C2orf80: variants seen among roughly 807,000 people sequenced by gnomAD.
C2orf80 encodes the protein uncharacterized protein C2orf80.
Under a neutral mutation model 30.2 loss-of-function variants are expected in C2orf80, and 28 were observed. The ratio of observed to expected loss-of-function variants is 0.93; its 90% CI spans 0.69 to 1.27. The LOEUF (loss-of-function observed/expected upper bound fraction) is 1.27, where lower values mean the gene tolerates loss of function less well. Among genes scored for constraint, C2orf80 ranks in the 50% most tolerant of loss-of-function variants. C2orf80 has a pLI of 0.00. For synonymous variants in C2orf80, 80 were observed against 76.4 expected (o/e 1.05, Z -0.24); for missense variants, 220 against 231.0 (o/e 0.95, Z 0.31).
intron 6 of C2orf80, among the ~76,000 whole-genome samples, chr2:208,180,449 C>CAA (rs59005854): frequency 5.4e-5 from 7 of 129,204 alleles, no homozygotes; most frequent in African/African-American, 1.6e-4. Context: ...GACTCTGTCT[C>CAA]AAAAAAAAAA....
chr2:208,189,300 C>T (rs563079637), intron 1 of C2orf80, among the ~76,000 whole-genome samples: 1 of 152,234 alleles, frequency 6.6e-6, no homozygotes, highest in African/African-American at 2.4e-5. Context: ...GTTATGACAG[C>T]TTCGTCTTAG....
At chr2:208,172,570 A>G (rs1403124091) in intron 6 of C2orf80, among the ~76,000 whole-genome samples, 2 of 152,236 alleles carry the variant, frequency 1.3e-5, no homozygotes, top group Admixed American at 6.5e-5. Flanking sequence ...ATAGTTGTCC[A>G]TTGGTAATCA....
Position 208,174,424 on chromosome 2 carries a change from A to G in C2orf80, c.367-2349T>C, listed in dbSNP as rs138595544. On this transcript the variant is annotated intron_variant, in intron 6 of 8. Coordinates refer to ENST00000341287, the MANE Select transcript of C2orf80 (RefSeq NM_001099334.3). ...GTGTGAGAGGGTGGAAGCCAGGCCT[A>G]TCACGAAGGGACCAGGTTGCTATCA... Among the ~76,000 whole-genome samples, 15 of 152,294 alleles carry G rather than the reference A, an allele frequency of 9.8e-5. No individual in the cohort carries two copies. The East Asian group carries it at 2.5e-3, about 25-fold the overall frequency.
At chr2:208,178,764 A>G (rs1242608946) in intron 6 of C2orf80, among the ~76,000 whole-genome samples, 1 of 151,728 alleles carries the variant, frequency 6.6e-6, no homozygotes, top group African/African-American at 2.4e-5. Context: ...TTTTTTTTTA[A>G]TTGTTTTTTG....
intron 5 of C2orf80, 22 bp from the exon 6 acceptor site, chr2:208,180,838 A>G: frequency 6.3e-7 from 1 of 1,597,068 alleles, no homozygotes; most frequent in Non-Finnish European, 8.6e-7. Flanking sequence ...CAACAGCAAT[A>G]ACAAAGTATG....
At chr2:208,181,619 C>T (rs1373881697) in intron 4 of C2orf80, among the ~76,000 whole-genome samples, 2 of 152,120 alleles carry the variant, frequency 1.3e-5, no homozygotes, top group East Asian at 3.9e-4. Context: ...TGACAATTTG[C>T]TTTGGGGGAA....
rs574292522 is a variant in C2orf80 at position 208,165,751 on chromosome 2, T to G, written c.*56A>C. The G allele has an allele frequency of 6.8e-6, 11 of 1,611,476 alleles. No individual in the cohort carries two copies. In the African/African-American group the frequency reaches 1.2e-4, roughly 18 times the overall value. On this transcript the variant is annotated 3_prime_UTR_variant, in exon 9 of 9. Coordinates refer to ENST00000341287, the MANE Select transcript of C2orf80 (RefSeq NM_001099334.3). ...AAGAGCTGTGGTTTTAAGATGATGC[T>G]TCTCGTCTGCTCCCAGAGAATCTAT...
At chr2:208,167,246 G>A (rs1025312823) in intron 8 of C2orf80, among the ~76,000 whole-genome samples, 6 of 151,924 alleles carry the variant, frequency 3.9e-5, no homozygotes, top group South Asian at 2.1e-4. Flanking sequence ...TTTCCTAGCC[G>A]GGCGCGGTGG....
chr2:208,173,289 A>G (rs913068232), intron 6 of C2orf80, among the ~76,000 whole-genome samples: 2 of 152,136 alleles, frequency 1.3e-5, no homozygotes, highest in African/African-American at 4.8e-5. Flanking sequence ...GTTGAATGAA[A>G]AAAGAAAGAC....
At chr2:208,186,085 CT>C (rs918998609) in intron 2 of C2orf80, among the ~76,000 whole-genome samples, 9 of 151,848 alleles carry the variant, frequency 5.9e-5, no homozygotes, top group African/African-American at 2.2e-4. Context: ...AATATAATCT[CT>C]GCTTAAAAGC....
chr2:208,187,231 GT>G (rs1183867291), intron 1 of C2orf80, among the ~76,000 whole-genome samples, 170 bp from the exon 2 acceptor site: 1 of 152,134 alleles, frequency 6.6e-6, no homozygotes, highest in Non-Finnish European at 1.5e-5. Context: ...GTACTTTTGT[GT>G]TTATTTGACA....
intron 8 of C2orf80, among the ~76,000 whole-genome samples, chr2:208,170,096 AC>A (rs755363422): frequency 6.6e-6 from 1 of 152,174 alleles, no homozygotes; most frequent in Non-Finnish European, 1.5e-5. Flanking sequence ...CCTGATGCAA[AC>A]CCAATCATAA....
intron 8 of C2orf80, chr2:208,168,431 TG>T: frequency 3.9e-6 from 1 of 254,322 alleles, no homozygotes; most frequent in Non-Finnish European, 7.7e-6. Context: ...CCCAGCGCTT[TG>T]GGAGGCCAAG....
At chr2:208,167,337 C>T (rs1695928048) in intron 8 of C2orf80, among the ~76,000 whole-genome samples, 1 of 151,838 alleles carries the variant, frequency 6.6e-6, no homozygotes, top group Non-Finnish European at 1.5e-5. Flanking sequence ...GGCTGACCAA[C>T]ATGGTGAAAC....
chr2:208,167,543 AAC>A (rs1292143368), intron 8 of C2orf80, among the ~76,000 whole-genome samples: 1 of 140,622 alleles, frequency 7.1e-6, no homozygotes, highest in African/African-American at 2.6e-5. Context: ...AAAACAAACA[AAC>A]AAAAAACTGT....
At chr2:208,187,109 C>A in intron 1 of C2orf80, 48 bp from the exon 2 acceptor site, 1 of 852,760 alleles carries the variant, frequency 1.2e-6, no homozygotes, top group Non-Finnish European at 1.9e-6. Context: ...GCTATCACTC[C>A]AAATACCAGT....
intron 6 of C2orf80, among the ~76,000 whole-genome samples, chr2:208,173,241 C>G (rs549227162): frequency 1.3e-5 from 2 of 151,472 alleles, no homozygotes; most frequent in South Asian, 4.2e-4. Flanking sequence ...GCTATGTTAG[C>G]TATGTGCAGC....
intron 2 of C2orf80, 23 bp from the exon 3 acceptor site, chr2:208,185,055 TG>T (rs774182245): frequency 1.1e-5 from 17 of 1,594,838 alleles, no homozygotes; most frequent in Non-Finnish European, 1.4e-5. Flanking sequence ...AGAGCAGCAT[TG>T]AACCATTGGA....
intron 8 of C2orf80, chr2:208,168,331 T>C (rs189893903): frequency 3.9e-5 from 11 of 283,220 alleles, no homozygotes; most frequent in African/African-American, 2.1e-4. Context: ...ATTTTACTTA[T>C]AAGTGTGTAC....
Sources: allele counts gnomAD v4.1 joint callset (sites outside exome capture counted in the v4.1 genomes callset), GRCh38; gene constraint gnomAD v4.1.1; transcripts MANE v1.5; gene names NCBI Gene and HGNC (gene_info 2026-07-23, HGNC 2026-07-21).